The following AMOT variants were observed in gnomAD, a reference collection of about 807,000 sequenced individuals.
AMOT encodes angiomotin.
AMOT carries 11 observed loss-of-function variants against 67.0 expected under a neutral mutation model. The ratio of observed to expected loss-of-function variants is 0.16; its 90% CI spans 0.10 to 0.27. The LOEUF (loss-of-function observed/expected upper bound fraction) is 0.27. Ranked by LOEUF, AMOT falls within the 10% of genes least tolerant of loss-of-function variation. The pLI is 1.00. For synonymous variants in AMOT, 326 were observed against 321.4 expected (o/e 1.01, Z -0.15); for missense variants, 753 against 852.0 (o/e 0.88, Z 1.45).
chrX:112,807,940 G>A (rs969623761), intron 7 of AMOT, among the ~76,000 whole-genome samples: 7 of 111,738 alleles, frequency 6.3e-5, no homozygotes, highest in African/African-American at 2.3e-4. Context: ...AACTACAGGG[G>A]ACCATGACAC....
intron 9 of AMOT, 65 bp downstream of exon 9, chrX:112,791,767 A>T (rs1933602211): frequency 1.7e-6 from 2 of 1,164,137 alleles, no homozygotes; most frequent in Non-Finnish European, 2.3e-6. Context: ...ACTGAAAAAT[A>T]AGCAACCAGG....
intron 1 of AMOT, among the ~76,000 whole-genome samples, chrX:112,839,203 A>C (rs767767274): frequency 3.6e-5 from 4 of 112,634 alleles, no homozygotes; most frequent in Non-Finnish European, 5.6e-5. Flanking sequence ...CATCACTTAC[A>C]GGCTTGACGC....
chrX:112,788,811 T>A (rs1481129324), intron 10 of AMOT, among the ~76,000 whole-genome samples: 1 of 112,462 alleles, frequency 8.9e-6, no homozygotes, highest in African/African-American at 3.2e-5. Context: ...ATGATAGGCA[T>A]GCACATTTTG....
At chrX:112,778,862 C>T (rs1933009606) in intron 13 of AMOT, 135 bp downstream of exon 13, 4 of 750,254 alleles carry the variant, frequency 5.3e-6, no homozygotes, top group Non-Finnish European at 7.9e-6. Context: ...CATTTACAGA[C>T]TCTCTTCTCT....
Position 112,778,486 on chromosome X carries a change from C to A in AMOT, c.*81G>T, listed in dbSNP as rs142375328. The A allele has an allele frequency of 8.4e-4, 793 of 943,275 alleles. 4 individuals carry two copies. The African/African-American group carries it at 0.013, about 15-fold the overall frequency. The allele number at this position is 943,275 out of a possible 1,213,427, so 77.7% of individuals were successfully genotyped here. ...CCCCTCCCCACAACCCTTGTCCTCA[C>A]CCTCAAAACAAGAACCAATAAAAGG... is the stretch of plus-strand genomic sequence containing the variant. On this transcript the variant is annotated 3_prime_UTR_variant, in exon 14 of 14. Transcript: ENST00000371959.
chrX:112,804,898 T>TGCCCCCCCC, intron 8 of AMOT, 49 bp downstream of exon 8: 10 of 837,570 alleles, frequency 1.2e-5, no homozygotes, highest in Non-Finnish European at 1.2e-5. Context: ...GTCCCCGATT[T>TGCCCCCCCC]CCCAGCCCTC....
At chrX:112,793,408 C>G (rs1933684240) in intron 8 of AMOT, among the ~76,000 whole-genome samples, 1 of 111,759 alleles carries the variant, frequency 8.9e-6, no homozygotes, top group African/African-American at 3.3e-5. Flanking sequence ...TGGGGCCCAG[C>G]TGGCAGAACC....
chrX:112,797,081 A>G (rs752594019), intron 8 of AMOT, among the ~76,000 whole-genome samples: 1 of 112,012 alleles, frequency 8.9e-6, no homozygotes, highest in Admixed American at 9.4e-5. Flanking sequence ...CTAGGTGACT[A>G]TAAGATTTCT....
chrX:112,783,443 T>C (rs1321395031), intron 10 of AMOT, among the ~76,000 whole-genome samples: 1 of 111,192 alleles, frequency 9.0e-6, no homozygotes, highest in East Asian at 2.8e-4. Context: ...ACCTGAGTAC[T>C]AGAAGCAAAC....
chrX:112,823,486 G>T (rs1014426673), intron 3 of AMOT, among the ~76,000 whole-genome samples: 1 of 111,175 alleles, frequency 9.0e-6, no homozygotes, highest in Admixed American at 9.5e-5. Flanking sequence ...GTAATCAAAG[G>T]GGGTAACTTT....
rs762450203 is a variant in AMOT at position 112,779,301 on chromosome X, G to C, written c.2853C>G (p.Ala951=). The change falls in exon 13 of 14, where the codon GCC becomes GCG. Residue 951 remains alanine, a synonymous_variant. Transcript: ENST00000371959. The part of the protein sequence containing the change: ...PAAAGQIPAA[A]SVASAAAVAP... The stretch of plus-strand genomic sequence containing the variant: ...CAACGGCAGCAGCTGAGGCAACAGA[G>C]GCAGCAGCTGGAATCTGACCAGCAG... The C allele has an allele frequency of 1.5e-6, 1 of 683,684 alleles. No homozygotes were observed. The highest frequency in any genetic ancestry group is 2.2e-5 in the African/African-American group (1 of 46,451). 56.3% of individuals were successfully genotyped at this position (683,684 alleles called of 1,213,427 possible).
At chrX:112,801,689 A>G (rs1429443115) in intron 8 of AMOT, among the ~76,000 whole-genome samples, 1 of 112,341 alleles carries the variant, frequency 8.9e-6, no homozygotes, top group Non-Finnish European at 1.9e-5. Context: ...GAAGGAATGA[A>G]TTTCAGGAAA....
chrX:112,781,276 CTAAA>C (rs1321914152), intron 11 of AMOT, among the ~76,000 whole-genome samples, 158 bp from the exon 12 acceptor site: 1 of 110,415 alleles, frequency 9.1e-6, no homozygotes, highest in Non-Finnish European at 1.9e-5. Context: ...CCTGTCTCTA[CTAAA>C]AACACAAAAA....
chrX:112,782,515 C>G, intron 11 of AMOT, 25 bp downstream of exon 11: 1 of 1,210,847 alleles, frequency 8.3e-7, no homozygotes, highest in Non-Finnish European at 1.1e-6. Context: ...TCTCAGATTC[C>G]TCAGGGTCCA....
intron 8 of AMOT, among the ~76,000 whole-genome samples, chrX:112,796,839 C>T (rs1029556585): frequency 9.0e-6 from 1 of 111,707 alleles, no homozygotes; most frequent in Admixed American, 9.5e-5. Context: ...TTGGTTGTCA[C>T]AACTGGAGGT....
At chrX:112,810,574 C>T (rs995366360) in intron 6 of AMOT, among the ~76,000 whole-genome samples, 2 of 110,171 alleles carry the variant, frequency 1.8e-5, no homozygotes, top group African/African-American at 6.6e-5. Flanking sequence ...GGCATGGTGG[C>T]GCACGCTGGT....
At position 112,815,548 on chromosome X, in the gene AMOT, T is replaced by A. The variant is rs1934519640; in HGVS notation, c.1202A>T (p.Gln401Leu). Residue 401 changes from glutamine (Q) to leucine (L), a missense_variant, in exon 5 of 14, where the codon CAG becomes CTG. Gln to Leu is a moderately radical substitution (Grantham distance 113). This residue lies in a region of AMOT where 297 missense variants were observed against 284.3 expected (regional missense o/e 1.04). Transcript: ENST00000371959. The stretch of plus-strand genomic sequence containing the variant: ...AGCTGAATAGGCTTCTCCTGGCTGC[T>A]GCTGTGGCTGCTGCTGCTGCTGTTG... ...HQQQQQQQPQQQPGEAYSAMP... is the reference protein window; with the variant it reads ...HQQQQQQQPQLQPGEAYSAMP... 11 of 1,211,327 alleles carry A rather than the reference T, an allele frequency of 9.1e-6. No individual in the cohort carries two copies. Among genetic ancestry groups the A allele is most frequent in the Non-Finnish European group, 1.2e-5 (11 of 895,229 alleles).
chrX:112,800,091 C>T (rs2147796640), intron 8 of AMOT, among the ~76,000 whole-genome samples: 1 of 110,844 alleles, frequency 9.0e-6, no homozygotes, highest in African/African-American at 3.3e-5. Flanking sequence ...ATTAGCTGGA[C>T]GTGGTGGCAC....
intron 5 of AMOT, among the ~76,000 whole-genome samples, chrX:112,812,059 C>A (rs4460547): frequency 0.16 from 18,072 of 111,466 alleles, 1,368 homozygotes; most frequent in African/African-American, 0.29. Flanking sequence ...GAATGAAAGA[C>A]TATAGGGCAA....
Sources: allele counts gnomAD v4.1 joint callset (sites outside exome capture counted in the v4.1 genomes callset), GRCh38; gene constraint gnomAD v4.1.1; regional missense constraint gnomAD v4.1.1; transcripts MANE v1.5; gene names NCBI Gene and HGNC (gene_info 2026-07-23, HGNC 2026-07-21).